Variants in COL13A1 observed in about 807,000 individuals in gnomAD.
COL13A1 encodes the protein collagen type XIII alpha 1 chain, also known as collagen alpha-1(XIII) chain.
A neutral mutation model predicts 130.9 loss-of-function variants in COL13A1; 89 were observed. The ratio of observed to expected loss-of-function variants is 0.68; its 90% CI spans 0.57 to 0.81. The LOEUF is 0.81. COL13A1 is among the 30% of genes least tolerant of loss of function. COL13A1 has a pLI of 0.00. For synonymous variants in COL13A1, 402 were observed against 341.6 expected, an observed-to-expected ratio of 1.18 and a Z score of -1.95; for missense variants, 879 against 934.6, an observed-to-expected ratio of 0.94 and a Z score of 0.78.
chr10:69,952,272 C>T (rs943026538), intron 38 of COL13A1, among the ~76,000 whole-genome samples: 3 of 152,222 alleles, frequency 2.0e-5, no homozygotes, highest in Non-Finnish European at 4.4e-5. Flanking sequence ...CATGTGTTCA[C>T]GTGCCCAAGC....
chr10:69,889,968 C>T lies in COL13A1; in HGVS notation c.603+528C>T, dbSNP rs570136278. 2.9e-4 allele frequency among the ~76,000 whole-genome samples: 44 copies of T among 152,268 alleles called. 1 individual carries two copies. The South Asian group carries it at 9.1e-3, about 32-fold the overall frequency. On this transcript the variant is annotated intron_variant, in intron 10 of 40. Transcript: ENST00000645393. Reference sequence around the variant, plus strand: ...ATGCATCATCCCAAAGGCCCCTTCCCCTCTCCCTTCCTGGGAGTTTCTGTT... The same window carrying T: ...ATGCATCATCCCAAAGGCCCCTTCCTCTCTCCCTTCCTGGGAGTTTCTGTT...
At position 69,895,537 on chromosome 10, in the gene COL13A1, C is replaced by G; in HGVS notation, c.658-13C>G. On this transcript the variant is annotated splice_polypyrimidine_tract_variant and intron_variant, in intron 12 of 40. Coordinates refer to ENST00000645393, the MANE Select transcript of COL13A1 (RefSeq NM_001368882.1). ...GTGCCTAACACCACCTTTCCCTTCC[C>G]TCTCCTTCCCAGGGTCAGTGTGGAG... 1 of 1,613,998 alleles carries G rather than the reference C, an allele frequency of 6.2e-7. No homozygotes were observed. The highest frequency in any genetic ancestry group is 8.5e-7 in the Non-Finnish European group (1 of 1,179,882).
chr10:69,909,690 C>T (rs2063161389), intron 17 of COL13A1, among the ~76,000 whole-genome samples: 1 of 152,204 alleles, frequency 6.6e-6, no homozygotes, highest in South Asian at 2.1e-4. Flanking sequence ...AATGCCTATC[C>T]CACTGCCCCA....
chr10:69,955,781 CCCA>C, intron 39 of COL13A1: 1 of 152,336 alleles, frequency 6.6e-6, no homozygotes, highest in South Asian at 2.1e-4. Flanking sequence ...TCCATAACAT[CCCA>C]TATCAATGTG....
chr10:69,827,897 G>A (rs796716228), intron 2 of COL13A1, among the ~76,000 whole-genome samples: 27 of 152,168 alleles, frequency 1.8e-4, no homozygotes, highest in African/African-American at 5.3e-4. Context: ...CTGCAGCAGC[G>A]CAGACCCCGA....
chr10:69,929,904 C>T (rs1377776720), intron 28 of COL13A1, 139 bp from the exon 29 acceptor site: 8 of 722,082 alleles, frequency 1.1e-5, no homozygotes, highest in Admixed American at 2.2e-5. Context: ...ATTCATACCT[C>T]CCAGCAACAC....
chr10:69,948,204 G>T (rs2068837885), intron 38 of COL13A1, among the ~76,000 whole-genome samples: 1 of 152,202 alleles, frequency 6.6e-6, no homozygotes, highest in Non-Finnish European at 1.5e-5. Flanking sequence ...TGTGTTCTGG[G>T]ATCCCATGGA....
intron 7 of COL13A1, among the ~76,000 whole-genome samples, chr10:69,886,067 G>A (rs2060570946): frequency 6.6e-6 from 1 of 152,136 alleles, no homozygotes; most frequent in African/African-American, 2.4e-5. Flanking sequence ...ATGTTTTAGG[G>A]TCATAGCATG....
intron 30 of COL13A1, chr10:69,931,112 G>A (rs753728175): frequency 3.7e-5 from 17 of 455,098 alleles, no homozygotes; most frequent in South Asian, 2.6e-4. Flanking sequence ...GTCACACTCA[G>A]CAAGACCACC....
intron 2 of COL13A1, among the ~76,000 whole-genome samples, chr10:69,845,290 T>C (rs1270747616): frequency 1.3e-5 from 2 of 151,784 alleles, no homozygotes; most frequent in Non-Finnish European, 2.9e-5. Flanking sequence ...CCTCCCAGGT[T>C]CAAGTGATTC....
At chr10:69,894,751 C>G in intron 12 of COL13A1, 50 bp downstream of exon 12, 1 of 1,610,456 alleles carries the variant, frequency 6.2e-7, no homozygotes, top group Non-Finnish European at 8.5e-7. Flanking sequence ...AAATGGCCTC[C>G]CAGTTGGTAG....
intron 6 of COL13A1, among the ~76,000 whole-genome samples, chr10:69,879,210 C>A (rs2059901448): frequency 1.3e-5 from 2 of 152,184 alleles, no homozygotes; most frequent in Non-Finnish European, 2.9e-5. Context: ...AAGGCTGGGG[C>A]TCCTAGCTAC....
intron 21 of COL13A1, among the ~76,000 whole-genome samples, chr10:69,921,549 TC>T (rs2064673881): frequency 6.6e-6 from 1 of 152,202 alleles, no homozygotes; most frequent in East Asian, 1.9e-4. Context: ...TGCTCACCTC[TC>T]CCAGGAGACC....
chr10:69,844,853 A>G (rs2704482), intron 2 of COL13A1, among the ~76,000 whole-genome samples: 122,675 of 152,224 alleles, frequency 0.81, 50,018 homozygotes, highest in South Asian at 0.94. Flanking sequence ...GCAATGGGGA[A>G]GCAGATGGGA....
intron 31 of COL13A1, 29 bp from the exon 32 acceptor site, chr10:69,935,321 A>C (rs749594630): frequency 6.4e-7 from 1 of 1,567,270 alleles, no homozygotes; most frequent in Admixed American, 1.8e-5. Context: ...GCCACTTCAA[A>C]TGTAACAGGG....
chr10:69,948,900 A>C (rs1449913844), intron 38 of COL13A1, among the ~76,000 whole-genome samples: 1 of 152,196 alleles, frequency 6.6e-6, no homozygotes, highest in Non-Finnish European at 1.5e-5. Flanking sequence ...CCCAGGAATC[A>C]GTGGGAAAGT....
intron 30 of COL13A1, 93 bp downstream of exon 30, chr10:69,930,645 TG>T: frequency 1.4e-6 from 2 of 1,396,086 alleles, no homozygotes; most frequent in African/African-American, 1.4e-5. Context: ...TGATGTGAGC[TG>T]CTGCCTGGGC....
chr10:69,924,880 C>A, intron 24 of COL13A1, 83 bp from the exon 25 acceptor site: 9 of 1,384,112 alleles, frequency 6.5e-6, no homozygotes, highest in Admixed American at 5.4e-5. Flanking sequence ...GCCTCCTGGC[C>A]CTTATCACAT....
chr10:69,943,040 G>A (rs572164792), intron 35 of COL13A1, among the ~76,000 whole-genome samples: 1 of 152,188 alleles, frequency 6.6e-6, no homozygotes, highest in East Asian at 1.9e-4. Flanking sequence ...TAGAGTTGGG[G>A]TTTCGCCATG....
Sources: allele counts gnomAD v4.1 joint callset (sites outside exome capture counted in the v4.1 genomes callset), GRCh38; gene constraint gnomAD v4.1.1; transcripts MANE v1.5; gene names NCBI Gene and HGNC (gene_info 2026-07-23, HGNC 2026-07-21).